The following BMPR1A variants were observed in gnomAD, a reference collection of about 807,000 sequenced individuals.
The protein encoded by BMPR1A is bone morphogenetic protein receptor type-1A.
In BMPR1A, 7 loss-of-function variants were observed where a neutral mutation model predicts 66.0. The observed-to-expected ratio is 0.11, with a 90% CI of 0.06 to 0.20. The LOEUF (loss-of-function observed/expected upper bound fraction) is 0.20. BMPR1A is among the 10% of genes least tolerant of loss of function. The pLI, the probability that BMPR1A is intolerant of heterozygous loss-of-function variation, is 1.00. For missense variants in BMPR1A, 408 were observed against 669.1 expected, an observed-to-expected ratio of 0.61 and a Z score of 4.31; for synonymous variants, 200 against 229.7, an observed-to-expected ratio of 0.87 and a Z score of 1.17.
intron 1 of BMPR1A, among the ~76,000 whole-genome samples, chr10:86,781,604 T>C (rs1459589428): frequency 1.3e-5 from 2 of 152,274 alleles, no homozygotes; most frequent in East Asian, 1.9e-4. Flanking sequence ...TAGATTGCTT[T>C]GTGTAGTATT....
At chr10:86,911,154 CA>C (rs35449069) in intron 7 of BMPR1A, among the ~76,000 whole-genome samples, 166 of 82,858 alleles carry the variant, frequency 2.0e-3, no homozygotes, top group Admixed American at 7.1e-3. Flanking sequence ...GACCCTGTCT[CA>C]AAAAAAAAAA....
intron 3 of BMPR1A, among the ~76,000 whole-genome samples, chr10:86,888,362 G>A (rs1235392596): frequency 1.3e-5 from 2 of 151,992 alleles, no homozygotes; most frequent in African/African-American, 4.8e-5. Flanking sequence ...CAGCTACTCG[G>A]GAGTCTGAGG....
intron 9 of BMPR1A, among the ~76,000 whole-genome samples, 158 bp from the exon 10 acceptor site, chr10:86,919,014 T>C (rs1402906010): frequency 2.0e-5 from 3 of 152,252 alleles, no homozygotes; most frequent in Non-Finnish European, 4.4e-5. Context: ...TGTAGAAATA[T>C]AATTTTTAGT....
chr10:86,852,850 C>G (rs1214066321), intron 2 of BMPR1A, among the ~76,000 whole-genome samples: 1 of 152,016 alleles, frequency 6.6e-6, no homozygotes. Flanking sequence ...GCACTTTACA[C>G]AAGAGGAAAC....
At chr10:86,881,294 A>T (rs947707844) in intron 3 of BMPR1A, among the ~76,000 whole-genome samples, 1 of 152,232 alleles carries the variant, frequency 6.6e-6, no homozygotes, top group Non-Finnish European at 1.5e-5. Flanking sequence ...TAATGAAGTC[A>T]TTAATTTTGA....
chr10:86,785,013 T>C (rs1564683280), intron 1 of BMPR1A, among the ~76,000 whole-genome samples: 1 of 152,180 alleles, frequency 6.6e-6, no homozygotes, highest in Non-Finnish European at 1.5e-5. Flanking sequence ...ATCCCTTAAG[T>C]TTTGGAATGT....
At chr10:86,894,141 C>T (rs1276732764) in intron 5 of BMPR1A, among the ~76,000 whole-genome samples, 3 of 152,224 alleles carry the variant, frequency 2.0e-5, no homozygotes, top group Non-Finnish European at 4.4e-5. Context: ...GAATAAATAG[C>T]CCTGTTCCCT....
chr10:86,895,637 A>G (rs1178833728), intron 5 of BMPR1A, among the ~76,000 whole-genome samples: 1 of 152,202 alleles, frequency 6.6e-6, no homozygotes. Context: ...AAAAGGAAAA[A>G]TAAGAATAAG....
chr10:86,836,190 G>A (rs1348611311), intron 1 of BMPR1A, among the ~76,000 whole-genome samples: 1 of 152,208 alleles, frequency 6.6e-6, no homozygotes, highest in African/African-American at 2.4e-5. Context: ...TACCCAGTAA[G>A]CTAAGTGATT....
intron 7 of BMPR1A, among the ~76,000 whole-genome samples, chr10:86,904,857 G>GAACT (rs778902553): frequency 6.6e-6 from 1 of 152,114 alleles, no homozygotes; most frequent in Non-Finnish European, 1.5e-5. Flanking sequence ...ATACTACATA[G>GAACT]AACTTTGTGA....
upstream of BMPR1A, chr10:86,756,434 T>G (rs1169562486): frequency 4.6e-5 from 7 of 151,658 alleles, no homozygotes; most frequent in Non-Finnish European, 7.4e-5. Context: ...CTCCGCGAAC[T>G]CTTCGGGCGC....
intron 2 of BMPR1A, among the ~76,000 whole-genome samples, chr10:86,842,295 C>T (rs1051598798): frequency 6.6e-6 from 1 of 152,156 alleles, no homozygotes. Context: ...TAAGAAAAGT[C>T]TTCCCTGTTG....
At chr10:86,818,126 C>G (rs566300271) in intron 1 of BMPR1A, among the ~76,000 whole-genome samples, 6 of 152,334 alleles carry the variant, frequency 3.9e-5, no homozygotes, top group African/African-American at 1.4e-4. Context: ...TCAAACGATT[C>G]TCCTGCCTCA....
chr10:86,906,723 C>CAAAAAAAAAAAAAAAAAAAAAAAAAAA (rs929716555), intron 7 of BMPR1A, among the ~76,000 whole-genome samples: 3 of 10,698 alleles, frequency 2.8e-4, no homozygotes, highest in Non-Finnish European at 3.5e-4. Context: ...GACTCCGTCT[C>CAAAAAAAAAAAAAAAAAAAAAAAAAAA]AAAAAAAAAA....
Position 86,912,422 on chromosome 10 carries a change from G to C in BMPR1A, c.675+38G>C, listed in dbSNP as rs768335852. The C allele has an allele frequency of 3.1e-6, 5 of 1,610,008 alleles. No individual in the cohort carries two copies. The Admixed American group carries it at 8.3e-5, about 27-fold the overall frequency. On this transcript the variant is annotated intron_variant, in intron 8 of 12. Coordinates refer to ENST00000372037, the MANE Select transcript of BMPR1A (RefSeq NM_004329.3). ...TTCCTATAGACATGAATGGTGTGTT[G>C]ATTTAGAATGTGTCCTCATGATGGT...
chr10:86,919,573 TGTTTTTA>T, intron 10 of BMPR1A, 104 bp downstream of exon 10: 1 of 1,440,662 alleles, frequency 6.9e-7, no homozygotes, highest in South Asian at 1.2e-5. Context: ...TGCATATGCT[TGTTTTTA>T]GTTACATAAA....
intron 3 of BMPR1A, among the ~76,000 whole-genome samples, 171 bp downstream of exon 3, chr10:86,876,256 T>C (rs1173382263): frequency 2.0e-5 from 3 of 152,218 alleles, no homozygotes; most frequent in African/African-American, 7.2e-5. Context: ...AACTTGGCTG[T>C]GATGGAAACA....
At chr10:86,866,726 G>C (rs1485166887) in intron 2 of BMPR1A, among the ~76,000 whole-genome samples, 3 of 150,972 alleles carry the variant, frequency 2.0e-5, no homozygotes, top group African/African-American at 7.3e-5. Flanking sequence ...GATGAAAAAA[G>C]ATCTTACAGG....
At chr10:86,807,736 G>A (rs369659555) in intron 1 of BMPR1A, among the ~76,000 whole-genome samples, 3 of 151,966 alleles carry the variant, frequency 2.0e-5, no homozygotes, top group African/African-American at 7.3e-5. Context: ...ATACGCTTCT[G>A]TAATCTCTAT....
Sources: gnomAD v4.1 joint callset for allele counts (sites outside exome capture counted in the v4.1 genomes callset) on GRCh38, gnomAD v4.1.1 for gene constraint, MANE v1.5 for transcripts, NCBI Gene and HGNC (gene_info 2026-07-23, HGNC 2026-07-21) for gene names.